Variants in ABCG8 observed in about 807,000 individuals in gnomAD.
ABCG8 encodes ATP-binding cassette sub-family G member 8.
ABCG8 carries 81 observed loss-of-function variants against 71.3 expected under a neutral mutation model. The observed-to-expected ratio is 1.14, with a 90% CI of 0.95 to 1.37. ABCG8 has a LOEUF of 1.37. Among genes scored for constraint, ABCG8 ranks in the 40% most tolerant of loss-of-function variants. The probability of loss-of-function intolerance (pLI) is 0.00; values close to 1 mark genes in which losing one functional copy is unlikely to be tolerated. For missense variants in ABCG8, 1,119 were observed against 866.2 expected (o/e 1.29, Z -3.66); for synonymous variants, 451 against 354.7 (o/e 1.27, Z -3.05).
chr2:43,862,008 A>G (rs1455195923), intron 6 of ABCG8, among the ~76,000 whole-genome samples: 1 of 151,468 alleles, frequency 6.6e-6, no homozygotes. Flanking sequence ...CTCTGGATAG[A>G]ACTCTCGCTA....
chr2:43,875,645 G>C (rs926191504), intron 11 of ABCG8, among the ~76,000 whole-genome samples: 1 of 152,128 alleles, frequency 6.6e-6, no homozygotes, highest in Non-Finnish European at 1.5e-5. Context: ...GCCCTTGACT[G>C]TCTCCCTCCC....
At position 43,872,130 on chromosome 2, in the gene ABCG8, T is replaced by G. The variant is rs1669798388; in HGVS notation, c.1119T>G (p.Cys373Trp). ...CGAAGGATCTTGACGAGGACACCTGTGTGGAAAGGTAAGGTGGCAGGCGAC... is the reference window on the plus strand; with the variant it reads ...CGAAGGATCTTGACGAGGACACCTGGGTGGAAAGGTAAGGTGGCAGGCGAC... ...AETKDLDEDTCVESSVTPLDT... is the reference protein window; with the variant it reads ...AETKDLDEDTWVESSVTPLDT... The change falls in exon 7 of 13, where the codon TGT becomes TGG. Residue 373 changes from cysteine (C) to tryptophan (W), a missense_variant. Coordinates refer to ENST00000272286, the MANE Select transcript of ABCG8 (RefSeq NM_022437.3). The G allele has an allele frequency of 6.2e-7, 1 of 1,613,998 alleles. No individual in the cohort carries two copies. Among genetic ancestry groups the G allele is most frequent in the African/African-American group, 1.3e-5 (1 of 74,924 alleles).
At position 43,873,978 on chromosome 2, in the gene ABCG8, T is replaced by A; in HGVS notation, c.1403T>A (p.Ile468Asn). ...LIPFNVILDV[I>N]SKCYSERAML... Reference sequence around the variant, plus strand: ...CCTTTCAACGTCATTCTGGATGTCATCTCCAAATGTGAGTGTGGCCCACTG... The same window carrying A: ...CCTTTCAACGTCATTCTGGATGTCAACTCCAAATGTGAGTGTGGCCCACTG... The change falls in exon 9 of 13, where the codon ATC becomes AAC. Residue 468 changes from isoleucine to asparagine, a missense_variant. Coordinates refer to ENST00000272286, the MANE Select transcript of ABCG8 (RefSeq NM_022437.3). 1 of 1,613,968 alleles carries A rather than the reference T, an allele frequency of 6.2e-7. No individual in the cohort carries two copies. The highest frequency in any genetic ancestry group is 8.5e-7 in the Non-Finnish European group (1 of 1,180,036).
chr2:43,866,824 G>A (rs548527337), intron 6 of ABCG8, among the ~76,000 whole-genome samples: 1,433 of 142,302 alleles, frequency 0.01, 12 homozygotes, highest in Middle Eastern at 0.035. Flanking sequence ...AATACTATTT[G>A]ACCCAGCCAT....
At chr2:43,840,832 C>G (rs1668562260) in intron 1 of ABCG8, among the ~76,000 whole-genome samples, 1 of 152,196 alleles carries the variant, frequency 6.6e-6, no homozygotes, top group Non-Finnish European at 1.5e-5. Flanking sequence ...GGTCACCCTC[C>G]TGCCTACCTG....
chr2:43,868,647 C>T (rs563953639), intron 6 of ABCG8, among the ~76,000 whole-genome samples: 3 of 151,042 alleles, frequency 2.0e-5, no homozygotes, highest in Admixed American at 6.6e-5. Flanking sequence ...ACTCTCACTA[C>T]CTTTCTGGAT....
At chr2:43,868,684 C>G (rs939356822) in intron 6 of ABCG8, among the ~76,000 whole-genome samples, 8 of 152,150 alleles carry the variant, frequency 5.3e-5, no homozygotes, top group Admixed American at 2.6e-4. Flanking sequence ...GGATACTACT[C>G]TCGCTATCTG....
At chr2:43,848,886 G>A (rs560008039) in intron 3 of ABCG8, among the ~76,000 whole-genome samples, 1 of 151,968 alleles carries the variant, frequency 6.6e-6, no homozygotes, top group Non-Finnish European at 1.5e-5. Flanking sequence ...GCTGGGCGTG[G>A]TGGCACGTGC....
intron 1 of ABCG8, among the ~76,000 whole-genome samples, chr2:43,840,141 G>A (rs985712015): frequency 2.0e-5 from 3 of 152,180 alleles, no homozygotes; most frequent in Non-Finnish European, 2.9e-5. Flanking sequence ...GTGGGTAGGA[G>A]GGAGGAGAGA....
chr2:43,846,293 G>A lies in ABCG8; in HGVS notation c.304G>A (p.Ala102Thr). 2 of 1,614,202 alleles carry A rather than the reference G, an allele frequency of 1.2e-6. No homozygotes were observed. Among genetic ancestry groups the A allele is most frequent in the Non-Finnish European group, 8.5e-7 (1 of 1,180,024 alleles). Residue 102 changes from alanine (A) to threonine (T), a missense_variant, in exon 3 of 13, where the codon GCC becomes ACC. Physicochemically the swap from Ala to Thr is moderately conservative, Grantham distance 58. Coordinates refer to ENST00000272286, the MANE Select transcript of ABCG8 (RefSeq NM_022437.3). ...CAAAGTGAGAAGTGGGCAGATGCTG[G>A]CCATCATAGGGAGCTCAGGTACCGG... ...SFKVRSGQML[A>T]IIGSSGCGRA...
In ABCG8 at chr2:43,881,026, G is replaced by A. The variant is rs1670117015; in HGVS notation, c.*3113G>A. ...CACTGTGGTCCCCTAATGGCGTTAG[G>A]CCTGAATGAAGAAGGGGGAAGGATG... is the stretch of plus-strand genomic sequence containing the variant. On this transcript the variant is annotated 3_prime_UTR_variant, in exon 13 of 13. Transcript: ENST00000272286. 1 of 152,266 alleles carries A rather than the reference G, an allele frequency of 6.6e-6. No homozygotes were observed. The highest frequency in any genetic ancestry group is 2.4e-5 in the African/African-American group (1 of 41,434). The allele number at this position is 152,266 out of a possible 1,614,324, so 9.4% of individuals were successfully genotyped here.
chr2:43,876,826 G>C (rs1669973539), intron 11 of ABCG8, among the ~76,000 whole-genome samples: 1 of 149,172 alleles, frequency 6.7e-6, no homozygotes, highest in African/African-American at 2.5e-5. Context: ...ATATGGGGGA[G>C]ACCATGTCAA....
intron 6 of ABCG8, among the ~76,000 whole-genome samples, chr2:43,857,268 C>T (rs1325173105): frequency 6.6e-6 from 1 of 151,648 alleles, no homozygotes; most frequent in African/African-American, 2.4e-5. Flanking sequence ...CTCTCACTAT[C>T]GGTCTGGATA....
Position 43,881,797 on chromosome 2 carries a change from T to G in ABCG8, c.*3884T>G, listed in dbSNP as rs533362057. 1 of 152,310 alleles carries G rather than the reference T, an allele frequency of 6.6e-6. No homozygotes were observed. Among genetic ancestry groups the G allele is most frequent in the East Asian group, 1.9e-4 (1 of 5,186 alleles). 9.4% of individuals were successfully genotyped at this position (152,310 alleles called of 1,614,324 possible). A position where few individuals can be genotyped will look rare whatever the true frequency, so the allele number is the denominator to read the frequency against. On this transcript the variant is annotated 3_prime_UTR_variant, in exon 13 of 13. Coordinates refer to ENST00000272286, the MANE Select transcript of ABCG8 (RefSeq NM_022437.3). ...CATTGCGAAAGGGTAGAGATTTGTT[T>G]ATTTGTCAGTATTGAAAGCATGGCT...
chr2:43,875,544 C>A, intron 11 of ABCG8, 131 bp downstream of exon 11: 1 of 1,172,764 alleles, frequency 8.5e-7, no homozygotes, highest in Non-Finnish European at 1.2e-6. Context: ...GAAGCAGAGG[C>A]CTTTGCCCAC....
At chr2:43,864,795 T>G (rs1325262970) in intron 6 of ABCG8, among the ~76,000 whole-genome samples, 1 of 148,988 alleles carries the variant, frequency 6.7e-6, no homozygotes, top group Admixed American at 6.7e-5. Flanking sequence ...ATTCTCACTC[T>G]CTGTATAAAA....
intron 6 of ABCG8, among the ~76,000 whole-genome samples, chr2:43,853,454 C>T (rs1387915679): frequency 1.3e-5 from 2 of 152,146 alleles, no homozygotes; most frequent in African/African-American, 4.8e-5. Context: ...AGGTACCTGG[C>T]CTGAAATCCT....
intron 6 of ABCG8, among the ~76,000 whole-genome samples, chr2:43,864,252 C>T (rs1327394044): frequency 2.0e-5 from 3 of 151,546 alleles, no homozygotes; most frequent in African/African-American, 7.3e-5. Context: ...AATTCTCACT[C>T]TGTGGGTAGA....
Position 43,846,256 on chromosome 2 carries a change from G to C in ABCG8, c.267G>C (p.Gln89His). 1 of 1,614,204 alleles carries C rather than the reference G, an allele frequency of 6.2e-7. No homozygotes were observed. The highest frequency in any genetic ancestry group is 1.1e-5 in the South Asian group (1 of 91,084). The part of the protein sequence containing the change: ...SCQNSCELGI[Q>H]NLSFKVRSGQ... ...AGAATTCTTGTGAGCTGGGCATCCA[G>C]AACCTAAGCTTCAAAGTGAGAAGTG... Residue 89 changes from glutamine to histidine, a missense_variant, in exon 3 of 13, where the codon CAG (glutamine) becomes CAC (histidine). Coordinates refer to ENST00000272286, the MANE Select transcript of ABCG8 (RefSeq NM_022437.3).
Sources: gnomAD v4.1 joint callset for allele counts (sites outside exome capture counted in the v4.1 genomes callset) on GRCh38, gnomAD v4.1.1 for gene constraint, MANE v1.5 for transcripts, NCBI Gene and HGNC (gene_info 2026-07-23, HGNC 2026-07-21) for gene names.